Variants in COPG2 observed in about 807,000 individuals in gnomAD.
COPG2 encodes coatomer subunit gamma-2.
A neutral mutation model predicts 46.3 loss-of-function variants in COPG2; 37 were observed. The ratio of observed to expected loss-of-function variants is 0.80; its 90% CI spans 0.61 to 1.05. COPG2 has a LOEUF of 1.05. Ranked by LOEUF, COPG2 falls within the 50% of genes least tolerant of loss-of-function variation. The pLI is 0.00. For synonymous variants in COPG2, 159 were observed against 129.7 expected (o/e 1.23, Z -1.53); for missense variants, 427 against 387.8 (o/e 1.10, Z -0.85).
intron 20 of COPG2, among the ~76,000 whole-genome samples, chr7:130,533,894 G>A (rs1187925835): frequency 6.7e-6 from 1 of 149,620 alleles, no homozygotes; most frequent in Non-Finnish European, 1.5e-5. Flanking sequence ...CACTATGTGG[G>A]TCGTGAGATG....
intron 9 of COPG2, among the ~76,000 whole-genome samples, chr7:130,577,120 T>A (rs868914843): frequency 2.6e-5 from 4 of 152,264 alleles, no homozygotes; most frequent in Middle Eastern, 3.4e-3. Context: ...AATGGTAATT[T>A]AAAAATTACC....
At chr7:130,630,079 A>AT (rs1554454965) in intron 5 of COPG2, among the ~76,000 whole-genome samples, 1 of 151,390 alleles carries the variant, frequency 6.6e-6, no homozygotes, top group African/African-American at 2.4e-5. Context: ...ACCATACCTA[A>AT]TTTTTGTATT....
At position 130,635,298 on chromosome 7, in the gene COPG2, T is replaced by C. The variant is rs139529563; in HGVS notation, c.323+17571A>G. Among the ~76,000 whole-genome samples the C allele has an allele frequency of 1.7e-3, 266 of 152,208 alleles. 2 individuals carry two copies. The highest frequency in any genetic ancestry group is 4.2e-3 in the East Asian group (22 of 5,180). On this transcript the variant is annotated intron_variant, in intron 5 of 23. Transcript: ENST00000425248. Reference sequence around the variant, plus strand: ...TCAGAAGGAATAGTACCAGCTGCTTTTTGTACCTCTGGTAGAATTCGGCTG... The same window carrying C: ...TCAGAAGGAATAGTACCAGCTGCTTCTTGTACCTCTGGTAGAATTCGGCTG...
intron 15 of COPG2, among the ~76,000 whole-genome samples, 191 bp downstream of exon 15, chr7:130,552,164 A>T (rs1332151934): frequency 2.0e-5 from 3 of 152,220 alleles, no homozygotes; most frequent in African/African-American, 7.2e-5. Flanking sequence ...ATCAGTCAAT[A>T]GCACATCAAA....
chr7:130,639,646 A>T (rs1795423464), intron 5 of COPG2, among the ~76,000 whole-genome samples: 1 of 152,218 alleles, frequency 6.6e-6, no homozygotes, highest in Admixed American at 6.5e-5. Flanking sequence ...GTTTCAGATT[A>T]CAAGTTCTGC....
chr7:130,564,942 A>T (rs963092148), intron 9 of COPG2, among the ~76,000 whole-genome samples: 41 of 152,338 alleles, frequency 2.7e-4, no homozygotes, highest in African/African-American at 9.1e-4. Context: ...TGTCCAAAAA[A>T]ATCAGTAGTA....
At chr7:130,643,294 CA>C (rs556885605) in intron 5 of COPG2, among the ~76,000 whole-genome samples, 595 of 118,582 alleles carry the variant, frequency 5.0e-3, no homozygotes, top group Admixed American at 6.2e-3. Flanking sequence ...GACTGTGTCT[CA>C]AAAAAAAAAA....
intron 4 of COPG2, among the ~76,000 whole-genome samples, chr7:130,657,974 T>C (rs1173621768): frequency 6.6e-6 from 1 of 152,148 alleles, no homozygotes; most frequent in African/African-American, 2.4e-5. Flanking sequence ...TTTAGAAAAA[T>C]GGGTTGGTAG....
At position 130,646,944 on chromosome 7, in the gene COPG2, TATATATATATATGC is replaced by T. The variant is rs1795608507; in HGVS notation, c.323+5911_323+5924del. 1.3e-3 allele frequency among the ~76,000 whole-genome samples: 139 copies of T among 103,454 alleles called. 4 individuals are homozygous for T. The highest frequency in any genetic ancestry group is 8.2e-3 in the African/African-American group (124 of 15,174). 67.9% of individuals were successfully genotyped at this position (103,454 alleles called of 152,430 possible). ...GTTTGTGTGTGTATATATATATACG[TATATATATATATGC>T]ATATATATATGTGTATATATATATG... On this transcript the variant is annotated intron_variant, in intron 5 of 23. Transcript: ENST00000425248.
chr7:130,536,984 G>A (rs953494147), intron 20 of COPG2, among the ~76,000 whole-genome samples: 1 of 150,434 alleles, frequency 6.6e-6, no homozygotes, highest in Non-Finnish European at 1.5e-5. Context: ...TTAAGGAGGA[G>A]GGAGGAGGTG....
intron 9 of COPG2, chr7:130,603,923 A>T: frequency 2.0e-6 from 1 of 494,866 alleles, no homozygotes; most frequent in Non-Finnish European, 4.1e-6. Flanking sequence ...AAAATAGTTC[A>T]TTAACACGTT....
At chr7:130,633,897 T>A (rs782570155) in intron 5 of COPG2, among the ~76,000 whole-genome samples, 40 of 152,224 alleles carry the variant, frequency 2.6e-4, no homozygotes, top group Admixed American at 4.6e-4. Flanking sequence ...AATTTTTGTA[T>A]AAGGTGTAAG....
At chr7:130,546,645 G>A (rs2116379503) in intron 20 of COPG2, 1 of 152,330 alleles carries the variant, frequency 6.6e-6, no homozygotes, top group South Asian at 2.1e-4. Context: ...GCTAGAGTCT[G>A]AGTAGCCTAG....
intron 20 of COPG2, among the ~76,000 whole-genome samples, chr7:130,522,331 G>T (rs1028378332): frequency 1.3e-5 from 2 of 152,154 alleles, no homozygotes; most frequent in African/African-American, 2.4e-5. Flanking sequence ...ACAGTAAAAA[G>T]AATGCATGAT....
intron 21 of COPG2, 134 bp from the exon 22 acceptor site, chr7:130,507,957 A>G (rs1799528707): frequency 1.6e-6 from 1 of 642,962 alleles, no homozygotes; most frequent in East Asian, 2.6e-5. Flanking sequence ...TGTAGTCTGG[A>G]TAAATCTAAT....
intron 20 of COPG2, chr7:130,511,597 G>A: frequency 1.9e-6 from 1 of 519,096 alleles, no homozygotes; most frequent in Non-Finnish European, 3.9e-6. Flanking sequence ...GGTCACTAAG[G>A]AATGACACAC....
intron 9 of COPG2, among the ~76,000 whole-genome samples, chr7:130,574,928 T>C (rs559654517): frequency 6.6e-6 from 1 of 151,936 alleles, no homozygotes; most frequent in East Asian, 1.9e-4. Context: ...GTCTCAGCAA[T>C]AGAATTGAAC....
At chr7:130,513,389 G>GTGTGTA (rs1554441349) in intron 20 of COPG2, among the ~76,000 whole-genome samples, 1 of 105,840 alleles carries the variant, frequency 9.4e-6, no homozygotes, top group Non-Finnish European at 1.9e-5. Context: ...GTGTGTGTGT[G>GTGTGTA]TATATATATA....
At chr7:130,514,817 C>T (rs1208534030) in intron 20 of COPG2, among the ~76,000 whole-genome samples, 6 of 152,110 alleles carry the variant, frequency 3.9e-5, no homozygotes, top group East Asian at 1.9e-4. Context: ...GAAAAGGTGG[C>T]GTGGTAATAA....
Sources: allele counts gnomAD v4.1 joint callset (sites outside exome capture counted in the v4.1 genomes callset), GRCh38; gene constraint gnomAD v4.1.1; transcripts MANE v1.5; gene names NCBI Gene and HGNC (gene_info 2026-07-23, HGNC 2026-07-21).